Variants in CHST11 observed in about 807,000 individuals in gnomAD.
CHST11 encodes the protein C4S-1.
CHST11 carries 9 observed loss-of-function variants against 30.4 expected under a neutral mutation model. The ratio of observed to expected loss-of-function variants is 0.30; its 90% CI spans 0.18 to 0.52. CHST11 has a LOEUF of 0.52. Among genes scored for constraint, CHST11 ranks in the 20% least tolerant of loss-of-function variants. The pLI, the probability that CHST11 is intolerant of heterozygous loss-of-function variation, is 0.97. For missense variants in CHST11, 348 were observed against 460.6 expected, an observed-to-expected ratio of 0.76 and a Z score of 2.24; for synonymous variants, 152 against 187.8, an observed-to-expected ratio of 0.81 and a Z score of 1.56.
intron 1 of CHST11, among the ~76,000 whole-genome samples, chr12:104,568,410 C>A (rs1453731375): frequency 6.6e-6 from 1 of 152,160 alleles, no homozygotes; most frequent in Non-Finnish European, 1.5e-5. Flanking sequence ...ACAGAGGAGA[C>A]TGCAGCAGCA....
intron 2 of CHST11, among the ~76,000 whole-genome samples, chr12:104,677,491 TAA>T (rs2039753453): frequency 6.6e-6 from 1 of 152,204 alleles, no homozygotes; most frequent in African/African-American, 2.4e-5. Context: ...GCATTTATAT[TAA>T]AAGAGGCCCA....
chr12:104,601,869 T>C, intron 1 of CHST11, 37 bp from the exon 2 acceptor site: 1 of 1,508,684 alleles, frequency 6.6e-7, no homozygotes, highest in Non-Finnish European at 9.2e-7. Context: ...AAATCTTTGT[T>C]GCTCATTTCT....
intron 1 of CHST11, among the ~76,000 whole-genome samples, chr12:104,557,333 T>A (rs1039393261): frequency 2.0e-5 from 3 of 152,178 alleles, no homozygotes; most frequent in Non-Finnish European, 4.4e-5. Context: ...GGAACCTGGT[T>A]GCTGGAGAGG....
intron 1 of CHST11, among the ~76,000 whole-genome samples, chr12:104,461,098 C>T (rs945618544): frequency 6.6e-6 from 1 of 152,180 alleles, no homozygotes; most frequent in Non-Finnish European, 1.5e-5. Flanking sequence ...ATAACTCTGG[C>T]TCTGTCTGGT....
chr12:104,577,803 T>A (rs532662841), intron 1 of CHST11, among the ~76,000 whole-genome samples: 1 of 152,270 alleles, frequency 6.6e-6, no homozygotes, highest in South Asian at 2.1e-4. Context: ...ACCGATCTGG[T>A]TGAGAACCAA....
chr12:104,501,222 C>T lies in CHST11; in HGVS notation c.118+43693C>T, dbSNP rs541485997. On this transcript the variant is annotated intron_variant, in intron 1 of 2. Coordinates refer to ENST00000303694, the MANE Select transcript of CHST11 (RefSeq NM_018413.6). ...GAAGGACTCCTCTTCCTTGTTTCCACAGCTGGGCCACAAGCCCAGGTCTCT... is the reference window on the plus strand; with the variant it reads ...GAAGGACTCCTCTTCCTTGTTTCCATAGCTGGGCCACAAGCCCAGGTCTCT... 7.9e-5 allele frequency among the ~76,000 whole-genome samples: 12 copies of T among 152,288 alleles called. No individual in the cohort carries two copies. In the South Asian group the frequency reaches 2.3e-3, roughly 29 times the overall value.
At chr12:104,608,747 T>C (rs1478429624) in intron 2 of CHST11, among the ~76,000 whole-genome samples, 1 of 152,214 alleles carries the variant, frequency 6.6e-6, no homozygotes, top group African/African-American at 2.4e-5. Flanking sequence ...CTACTGTCTT[T>C]CTATATGAAG....
intron 1 of CHST11, among the ~76,000 whole-genome samples, chr12:104,542,021 T>C (rs1712908275): frequency 1.3e-5 from 2 of 152,264 alleles, no homozygotes; most frequent in African/African-American, 2.4e-5. Context: ...TCATGTCCAC[T>C]ATTTCATTTT....
Position 104,756,999 on chromosome 12 carries a change from G to A in CHST11, c.255G>A (p.Val85=). The A allele has an allele frequency of 6.2e-7, 1 of 1,613,096 alleles. No homozygotes were observed. The highest frequency in any genetic ancestry group is 8.5e-7 in the Non-Finnish European group (1 of 1,179,720). Residue 85 remains valine, a synonymous_variant, in exon 3 of 3, where the codon GTG becomes GTA. Transcript: ENST00000303694. Reference sequence around the variant, plus strand: ...TGCACCAGATGCGGCGGGACCAGGTGACAGACACGTGCCGAGCCAACAGCG... The same window carrying A: ...TGCACCAGATGCGGCGGGACCAGGTAACAGACACGTGCCGAGCCAACAGCG... ...AVLHQMRRDQ[V]TDTCRANSAT...
intron 1 of CHST11, among the ~76,000 whole-genome samples, chr12:104,524,642 T>TCATCCACCCATCCATCCATCCATC (rs2038106778): frequency 6.6e-6 from 1 of 151,860 alleles, no homozygotes. Flanking sequence ...GTCCATCCAT[T>TCATCCACCCATCCATCCATCCATC]CATCCACCCA....
chr12:104,541,790 C>T (rs1379149291), intron 1 of CHST11, among the ~76,000 whole-genome samples: 4 of 152,126 alleles, frequency 2.6e-5, no homozygotes, highest in African/African-American at 9.7e-5. Context: ...TAGTTAGGCA[C>T]GGAGGCAGGT....
At chr12:104,618,604 G>A (rs1021091266) in intron 2 of CHST11, among the ~76,000 whole-genome samples, 3 of 152,022 alleles carry the variant, frequency 2.0e-5, no homozygotes, top group Non-Finnish European at 4.4e-5. Flanking sequence ...TCTTTAAAAG[G>A]AAAATTGTAA....
At chr12:104,561,772 G>T (rs201420917) in intron 1 of CHST11, among the ~76,000 whole-genome samples, 10 of 151,052 alleles carry the variant, frequency 6.6e-5, no homozygotes, top group African/African-American at 2.2e-4. Flanking sequence ...GTCTTACTGC[G>T]TAGGTCCCAT....
At position 104,752,505 on chromosome 12, in the gene CHST11, C is replaced by CTTATTTAT. The variant is rs56136898; in HGVS notation, c.205-4419_205-4412dup. Among the ~76,000 whole-genome samples, 644 of 149,546 alleles carry CTTATTTAT rather than the reference C, an allele frequency of 4.3e-3. 6 individuals are homozygous for CTTATTTAT. Among genetic ancestry groups the CTTATTTAT allele is most frequent in the African/African-American group, 0.014 (556 of 40,620 alleles). On this transcript the variant is annotated intron_variant, in intron 2 of 2. Transcript: ENST00000303694. ...AACAAACAATTGGGAAATTTATTTACTTATTTATTTATTTATTTATTTATT... is the reference window on the plus strand; with the variant it reads ...AACAAACAATTGGGAAATTTATTTACTTATTTATTTATTTATTTATTTATTTATTTATT...
intron 1 of CHST11, among the ~76,000 whole-genome samples, chr12:104,513,591 G>T (rs960001263): frequency 3.3e-5 from 5 of 152,192 alleles, no homozygotes; most frequent in Non-Finnish European, 7.3e-5. Flanking sequence ...ACACCAAAGG[G>T]CAGGAGGATG....
intron 1 of CHST11, among the ~76,000 whole-genome samples, chr12:104,499,994 C>T (rs1353940051): frequency 1.3e-5 from 2 of 152,232 alleles, no homozygotes; most frequent in East Asian, 1.9e-4. Flanking sequence ...GACTTTTAAT[C>T]TGGCACCCCA....
At chr12:104,572,746 G>A (rs2038641318) in intron 1 of CHST11, among the ~76,000 whole-genome samples, 1 of 151,898 alleles carries the variant, frequency 6.6e-6, no homozygotes, top group Non-Finnish European at 1.5e-5. Flanking sequence ...GGTATTTCTT[G>A]CCTTCTGCTA....
chr12:104,572,152 C>T (rs1381430990), intron 1 of CHST11, among the ~76,000 whole-genome samples: 1 of 151,948 alleles, frequency 6.6e-6, no homozygotes, highest in Non-Finnish European at 1.5e-5. Flanking sequence ...CGATGTTCAT[C>T]AGGGATATTG....
chr12:104,663,761 T>A (rs993181355), intron 2 of CHST11, among the ~76,000 whole-genome samples: 3 of 152,222 alleles, frequency 2.0e-5, no homozygotes, highest in Admixed American at 1.3e-4. Flanking sequence ...GGCACTGACA[T>A]AATAAGAATG....
Sources: gnomAD v4.1 joint callset for allele counts (sites outside exome capture counted in the v4.1 genomes callset) on GRCh38, gnomAD v4.1.1 for gene constraint, MANE v1.5 for transcripts, NCBI Gene and HGNC (gene_info 2026-07-23, HGNC 2026-07-21) for gene names.